The following FAT4 variants were observed in gnomAD, a reference collection of about 807,000 sequenced individuals.
FAT4 encodes the protein protocadherin Fat 4.
In FAT4, 84 loss-of-function variants were observed where a neutral mutation model predicts 303.9. The ratio of observed to expected loss-of-function variants is 0.28; its 90% confidence interval spans 0.23 to 0.33. FAT4 has a LOEUF of 0.33. Among genes scored for constraint, FAT4 ranks in the 10% least tolerant of loss-of-function variants. The probability of loss-of-function intolerance (pLI) is 1.00; values close to 1 mark genes in which losing one functional copy is unlikely to be tolerated. For synonymous variants in FAT4, 2,307 were observed against 2,298.8 expected (o/e 1.00, Z -0.10); for missense variants, 6,005 against 6,146.8 (o/e 0.98, Z 0.77).
At chr4:125,416,934 G>A (rs1735099790) in intron 7 of FAT4, among the ~76,000 whole-genome samples, 1 of 152,120 alleles carries the variant, frequency 6.6e-6, no homozygotes, top group African/African-American at 2.4e-5. Flanking sequence ...CAACAAGAAC[G>A]AAACTCGTCT....
rs1468655891 is a variant in FAT4 at position 125,314,966 on chromosome 4, C to T, written c.-1024C>T. ...GGGGGAGTCCAGGCGAACTAAAGTGCGGGGATCAATGAGTGTCGAGCAAAG... is the reference window on the plus strand; with the variant it reads ...GGGGGAGTCCAGGCGAACTAAAGTGTGGGGATCAATGAGTGTCGAGCAAAG... On this transcript the variant is annotated 5_prime_UTR_variant, in exon 1 of 18. Coordinates refer to ENST00000394329, the MANE Select transcript of FAT4 (RefSeq NM_001291303.3). Among the ~76,000 whole-genome samples the T allele has an allele frequency of 2.0e-5, 3 of 152,014 alleles. No individual in the cohort carries two copies. Among genetic ancestry groups the T allele is most frequent in the Non-Finnish European group, 4.4e-5 (3 of 67,980 alleles).
chr4:125,427,968 G>A (rs1725146227), intron 7 of FAT4, among the ~76,000 whole-genome samples: 1 of 152,100 alleles, frequency 6.6e-6, no homozygotes, highest in South Asian at 2.1e-4. Flanking sequence ...TTCTGATAGA[G>A]CAGTGACCTG....
At chr4:125,331,998 G>T (rs2663257) in intron 2 of FAT4, among the ~76,000 whole-genome samples, 101,908 of 151,916 alleles carry the variant, frequency 0.67, 34,756 homozygotes, top group African/African-American at 0.77. Flanking sequence ...AAAATGGTAA[G>T]GATAGCCTAC....
chr4:125,413,532 T>C (rs888801196), intron 5 of FAT4, among the ~76,000 whole-genome samples: 1 of 151,862 alleles, frequency 6.6e-6, no homozygotes, highest in African/African-American at 2.4e-5. Flanking sequence ...CTGAAAGTTA[T>C]ATTCATAAAT....
In FAT4 at chr4:125,491,455, C is replaced by T; in HGVS notation, c.14639C>T (p.Ala4880Val). ...TTATCTCAAGTCAATGAATCTGATG[C>T]AGATGATGAAGATAATTATGGAGCC... The part of the protein sequence containing the change: ...PKLSQVNESD[A>V]DDEDNYGARL... Residue 4880 changes from alanine (A) to valine (V), a missense_variant, in exon 18 of 18, where the codon GCA (alanine) becomes GTA (valine). Transcript: ENST00000394329. 2.5e-6 allele frequency: 4 copies of T among 1,614,128 alleles called. No homozygotes were observed. The highest frequency in any genetic ancestry group is 2.5e-6 in the Non-Finnish European group (3 of 1,180,016).
Position 125,449,656 on chromosome 4 carries a change from T to G in FAT4, c.8646T>G (p.Asp2882Glu). The G allele has an allele frequency of 6.2e-7, 1 of 1,613,954 alleles. No homozygotes were observed. Among genetic ancestry groups the G allele is most frequent in the Non-Finnish European group, 8.5e-7 (1 of 1,179,930 alleles). Residue 2882 changes from aspartate (D) to glutamate (E), a missense_variant, in exon 10 of 18, where the codon GAT becomes GAG. Coordinates refer to ENST00000394329, the MANE Select transcript of FAT4 (RefSeq NM_001291303.3). Reference sequence around the variant, plus strand: ...TTAGCAGAACTTCCTATTATTTAGATTGCCCTGAACTTACTGAGATTGGCT... The same window carrying G: ...TTAGCAGAACTTCCTATTATTTAGAGTGCCCTGAACTTACTGAGATTGGCT... ...PRFSRTSYYLDCPELTEIGSK... is the reference protein window; with the variant it reads ...PRFSRTSYYLECPELTEIGSK...
intron 6 of FAT4, 61 bp from the exon 7 acceptor site, chr4:125,416,380 TGGAGGCA>T: frequency 7.4e-7 from 1 of 1,345,672 alleles, no homozygotes; most frequent in Non-Finnish European, 1.0e-6. Flanking sequence ...TTTTTTTTAA[TGGAGGCA>T]TTTTATTTCA....
In FAT4 at chr4:125,415,696, G is replaced by C; in HGVS notation, c.6733G>C (p.Val2245Leu). ...GSTPRTDTST[V>L]SIVLLDINDF... ...CACACCCAGAACTGATACCTCCACG[G>C]TCAGCATTGTTCTACTGGATATTAA... Residue 2245 changes from valine to leucine, a missense_variant, in exon 6 of 18, where the codon GTC becomes CTC. Coordinates refer to ENST00000394329, the MANE Select transcript of FAT4 (RefSeq NM_001291303.3). 6.2e-7 allele frequency: 1 copy of C among 1,613,932 alleles called. No individual in the cohort carries two copies. The highest frequency in any genetic ancestry group is 8.5e-7 in the Non-Finnish European group (1 of 1,179,938).
At chr4:125,430,472 T>C (rs922161534) in intron 7 of FAT4, among the ~76,000 whole-genome samples, 2 of 152,122 alleles carry the variant, frequency 1.3e-5, no homozygotes, top group Non-Finnish European at 1.5e-5. Flanking sequence ...GTCAAACACA[T>C]TGGAGGCACG....
At chr4:125,333,390 A>AT (rs1405054474) in intron 2 of FAT4, among the ~76,000 whole-genome samples, 1 of 152,188 alleles carries the variant, frequency 6.6e-6, no homozygotes, top group Non-Finnish European at 1.5e-5. Flanking sequence ...TCAATGACAG[A>AT]TTTTTAACAT....
At chr4:125,329,426 T>C (rs1197298635) in intron 2 of FAT4, among the ~76,000 whole-genome samples, 1 of 152,220 alleles carries the variant, frequency 6.6e-6, no homozygotes, top group Non-Finnish European at 1.5e-5. Context: ...AGTCATCATA[T>C]TCTGTGACTT....
At position 125,490,249 on chromosome 4, in the gene FAT4, G is replaced by A. The variant is rs1727571624; in HGVS notation, c.13433G>A (p.Gly4478Glu). Residue 4478 changes from glycine (G) to glutamate (E), a missense_variant, in exon 18 of 18, where the codon GGG (glycine) becomes GAG (glutamate). Physicochemically the swap from Gly to Glu is moderately conservative, Grantham distance 98. Transcript: ENST00000394329. ...VACLGVLCPQ[G>E]KVCKAGSPAG... The stretch of plus-strand genomic sequence containing the variant: ...TGTCTTGGCGTCCTCTGTCCTCAGG[G>A]GAAGGTGTGCAAAGCTGGAAGTCCT... 6.2e-7 allele frequency: 1 copy of A among 1,613,994 alleles called. No homozygotes were observed. Among genetic ancestry groups the A allele is most frequent in the Non-Finnish European group, 8.5e-7 (1 of 1,180,034 alleles).
chr4:125,320,625 C>T lies in FAT4; in HGVS notation c.4214C>T (p.Ser1405Leu). 6.2e-7 allele frequency: 1 copy of T among 1,614,076 alleles called. No individual in the cohort carries two copies. Among genetic ancestry groups the T allele is most frequent in the African/African-American group, 1.3e-5 (1 of 75,054 alleles). Reference protein sequence around the residue: ...QGRPPRSSTMSVVIHVRDFND... With the variant: ...QGRPPRSSTMLVVIHVRDFND... Reference sequence around the variant, plus strand: ...AGACCTCCTCGTTCATCTACAATGTCAGTGGTTATTCACGTGAGGGACTTT... The same window carrying T: ...AGACCTCCTCGTTCATCTACAATGTTAGTGGTTATTCACGTGAGGGACTTT... The change falls in exon 2 of 18, where the codon TCA (serine) becomes TTA (leucine). Residue 1405 changes from serine (S) to leucine (L), a missense_variant. Transcript: ENST00000394329.
intron 2 of FAT4, among the ~76,000 whole-genome samples, chr4:125,346,584 G>C (rs565128615): frequency 4.6e-5 from 7 of 151,810 alleles, no homozygotes; most frequent in Non-Finnish European, 2.9e-5. Context: ...AATCATGCAC[G>C]GTGAACCCAC....
intron 2 of FAT4, among the ~76,000 whole-genome samples, chr4:125,396,975 A>ATG (rs1560797560): frequency 6.8e-6 from 1 of 146,312 alleles, no homozygotes; most frequent in Non-Finnish European, 1.5e-5. Context: ...TAAAATATGT[A>ATG]TGTGTGTGTG....
chr4:125,355,163 G>GA (rs1197577495), intron 2 of FAT4, among the ~76,000 whole-genome samples: 5 of 151,780 alleles, frequency 3.3e-5, no homozygotes, highest in African/African-American at 1.2e-4. Context: ...ACACCGGATA[G>GA]AAAATTAAAG....
intron 2 of FAT4, among the ~76,000 whole-genome samples, chr4:125,380,038 C>G (rs973688471): frequency 3.3e-5 from 5 of 152,086 alleles, no homozygotes; most frequent in African/African-American, 1.2e-4. Context: ...GGATTACAGG[C>G]ATATGCCACC....
At chr4:125,330,984 T>A (rs2125957524) in intron 2 of FAT4, among the ~76,000 whole-genome samples, 1 of 152,192 alleles carries the variant, frequency 6.6e-6, no homozygotes, top group African/African-American at 2.4e-5. Flanking sequence ...CTCCTTAGGG[T>A]CTTTGTGGCA....
chr4:125,320,468 A>G lies in FAT4; in HGVS notation c.4057A>G (p.Ser1353Gly). The G allele has an allele frequency of 6.2e-7, 1 of 1,614,154 alleles. No homozygotes were observed. Among genetic ancestry groups the G allele is most frequent in the Non-Finnish European group, 8.5e-7 (1 of 1,179,982 alleles). Residue 1353 changes from serine to glycine, a missense_variant, in exon 2 of 18, where the codon AGT becomes GGT. By Grantham distance (56) the Ser-to-Gly change is moderately conservative. Coordinates refer to ENST00000394329, the MANE Select transcript of FAT4 (RefSeq NM_001291303.3). ...DSGDNADLYY[S>G]ITGTNNHGTF... Reference sequence around the variant, plus strand: ...AGGTGACAATGCTGATTTATATTACAGTATTACTGGGACTAACAACCACGG... The same window carrying G: ...AGGTGACAATGCTGATTTATATTACGGTATTACTGGGACTAACAACCACGG...
Sources: allele counts gnomAD v4.1 joint callset (sites outside exome capture counted in the v4.1 genomes callset), GRCh38; gene constraint gnomAD v4.1.1; transcripts MANE v1.5; gene names NCBI Gene and HGNC (gene_info 2026-07-23, HGNC 2026-07-21).